The following STK39 variants were observed in gnomAD, a reference collection of about 807,000 sequenced individuals.
STK39 encodes STE20/SPS1-related proline-alanine-rich protein kinase.
In STK39, 20 loss-of-function variants were observed where a neutral mutation model predicts 77.8. The ratio of observed to expected loss-of-function variants is 0.26; its 90% CI spans 0.18 to 0.37. The LOEUF (loss-of-function observed/expected upper bound fraction) is 0.37. Among genes scored for constraint, STK39 ranks in the 10% least tolerant of loss-of-function variants. The pLI is 1.00. For missense variants in STK39, 479 were observed against 656.5 expected (o/e 0.73, Z 2.95); for synonymous variants, 246 against 234.1 (o/e 1.05, Z -0.47).
At chr2:168,242,348 G>C (rs1690779481) in intron 1 of STK39, among the ~76,000 whole-genome samples, 1 of 150,934 alleles carries the variant, frequency 6.6e-6, no homozygotes, top group African/African-American at 2.4e-5. Flanking sequence ...GGTTACTTCA[G>C]ACCAGGAGTT....
At chr2:168,047,083 AT>A (rs1685263979) in intron 14 of STK39, among the ~76,000 whole-genome samples, 1 of 152,200 alleles carries the variant, frequency 6.6e-6, no homozygotes, top group Non-Finnish European at 1.5e-5. Flanking sequence ...TAGCCCTGAT[AT>A]TTTTTAAGTT....
At position 167,954,316 on chromosome 2, in the gene STK39, G is replaced by T. The variant is rs201909602; in HGVS notation, c.*1180C>A. 4 of 152,496 alleles carry T rather than the reference G, an allele frequency of 2.6e-5. No individual in the cohort carries two copies. Among genetic ancestry groups the T allele is most frequent in the Non-Finnish European group, 5.9e-5 (4 of 68,028 alleles). 9.4% of individuals were successfully genotyped at this position (152,496 alleles called of 1,614,324 possible). ...TAGACTCCAATTTTCAAAATCCTAA[G>T]GTTTACTAGTTCCATAATATACAGT... On this transcript the variant is annotated 3_prime_UTR_variant, in exon 18 of 18. Transcript: ENST00000355999.
chr2:168,103,339 CTGAAAT>C (rs1686886128), intron 10 of STK39, among the ~76,000 whole-genome samples: 1 of 152,170 alleles, frequency 6.6e-6, no homozygotes. Flanking sequence ...CGAATCTTTT[CTGAAAT>C]AGAGTAGTAA....
At chr2:168,163,327 T>C (rs536117243) in intron 4 of STK39, among the ~76,000 whole-genome samples, 130 of 152,348 alleles carry the variant, frequency 8.5e-4, no homozygotes, top group African/African-American at 2.6e-3. Flanking sequence ...ATTAGAAAGA[T>C]AGAGATGCTG....
intron 16 of STK39, among the ~76,000 whole-genome samples, chr2:167,994,555 A>T (rs1574375460): frequency 6.6e-6 from 1 of 152,236 alleles, no homozygotes; most frequent in Admixed American, 6.5e-5. Context: ...GATTTTCATC[A>T]CCTAAAAGGA....
In STK39 at chr2:167,955,163, A is replaced by G. The variant is rs1691730173; in HGVS notation, c.*333T>C. 5.6e-6 allele frequency: 1 copy of G among 179,420 alleles called. No homozygotes were observed. Among genetic ancestry groups the G allele is most frequent in the Non-Finnish European group, 1.2e-5 (1 of 84,726 alleles). The allele number at this position is 179,420 out of a possible 1,614,324, so 11.1% of individuals were successfully genotyped here. ...CCAATAAATAAGACCACCTGAGTGT[A>G]TTTCAGATTCTTTTCACTTAAGGGA... On this transcript the variant is annotated 3_prime_UTR_variant, in exon 18 of 18. Coordinates refer to ENST00000355999, the MANE Select transcript of STK39 (RefSeq NM_013233.3).
intron 10 of STK39, among the ~76,000 whole-genome samples, chr2:168,082,783 C>T (rs1686269634): frequency 6.6e-6 from 1 of 152,206 alleles, no homozygotes; most frequent in Admixed American, 6.5e-5. Flanking sequence ...TCCAAGTGTT[C>T]TGTTGGATAT....
chr2:168,135,523 T>C (rs1331355179), intron 8 of STK39, among the ~76,000 whole-genome samples: 1 of 152,068 alleles, frequency 6.6e-6, no homozygotes, highest in Non-Finnish European at 1.5e-5. Context: ...AAAAGAGGGA[T>C]AGAAAGGGGA....
intron 15 of STK39, among the ~76,000 whole-genome samples, chr2:168,016,059 C>T (rs925029789): frequency 2.0e-5 from 3 of 152,084 alleles, no homozygotes; most frequent in Non-Finnish European, 2.9e-5. Context: ...TCCCAAGTAG[C>T]TGGGACTACA....
chr2:168,182,977 A>G (rs145255600), intron 1 of STK39, among the ~76,000 whole-genome samples: 26 of 152,294 alleles, frequency 1.7e-4, no homozygotes, highest in African/African-American at 5.3e-4. Flanking sequence ...CTTTCTCCCT[A>G]AAGTTTTTCT....
At chr2:168,015,076 T>C (rs1684372065) in intron 15 of STK39, among the ~76,000 whole-genome samples, 1 of 152,232 alleles carries the variant, frequency 6.6e-6, no homozygotes, top group African/African-American at 2.4e-5. Flanking sequence ...GTAAGTAAGA[T>C]ACTAGTAATA....
At chr2:167,962,829 A>AG (rs1240317385) in intron 17 of STK39, among the ~76,000 whole-genome samples, 1 of 152,198 alleles carries the variant, frequency 6.6e-6, no homozygotes, top group Non-Finnish European at 1.5e-5. Context: ...AGGCTAGACC[A>AG]GGGGGGAGTC....
intron 1 of STK39, chr2:168,231,956 A>C (rs139557081): frequency 1.3e-5 from 3 of 237,810 alleles, no homozygotes; most frequent in African/African-American, 6.9e-5. Flanking sequence ...TTGCATTCAC[A>C]GAAGAGATCT....
intron 10 of STK39, among the ~76,000 whole-genome samples, chr2:168,096,090 T>C (rs967849742): frequency 2.6e-5 from 4 of 152,250 alleles, no homozygotes; most frequent in Non-Finnish European, 4.4e-5. Context: ...TTCATGTAGT[T>C]TTATATTTTC....
intron 5 of STK39, among the ~76,000 whole-genome samples, chr2:168,143,704 C>T (rs1211520753): frequency 7.0e-6 from 1 of 142,846 alleles, no homozygotes; most frequent in Non-Finnish European, 1.5e-5. Context: ...GAGAGCAAGA[C>T]TTTGTCTCAA....
chr2:168,119,828 C>T (rs943416515), intron 10 of STK39, among the ~76,000 whole-genome samples: 5 of 152,056 alleles, frequency 3.3e-5, no homozygotes, highest in Non-Finnish European at 5.9e-5. Flanking sequence ...TATAAGATTC[C>T]AGGAGGGGAA....
At chr2:167,975,532 T>G (rs574007866) in intron 16 of STK39, among the ~76,000 whole-genome samples, 1 of 152,200 alleles carries the variant, frequency 6.6e-6, no homozygotes, top group Non-Finnish European at 1.5e-5. Flanking sequence ...AGGTGGACTG[T>G]AGGCCGGGCA....
chr2:168,111,554 T>G (rs1356491775), intron 10 of STK39, among the ~76,000 whole-genome samples: 1 of 152,208 alleles, frequency 6.6e-6, no homozygotes, highest in East Asian at 1.9e-4. Flanking sequence ...GTGATCTGTT[T>G]TACTTCTCTA....
intron 10 of STK39, among the ~76,000 whole-genome samples, chr2:168,102,149 A>G (rs1246694966): frequency 6.7e-6 from 1 of 149,296 alleles, no homozygotes; most frequent in Non-Finnish European, 1.5e-5. Context: ...TTTTTAATGG[A>G]CATAACCTTC....
Sources: gnomAD v4.1 joint callset for allele counts (sites outside exome capture counted in the v4.1 genomes callset) on GRCh38, gnomAD v4.1.1 for gene constraint, MANE v1.5 for transcripts, NCBI Gene and HGNC (gene_info 2026-07-23, HGNC 2026-07-21) for gene names.